The following LEF1 variants were observed in gnomAD, a reference collection of about 807,000 sequenced individuals.
LEF1 encodes lymphoid enhancer binding factor 1.
A neutral mutation model predicts 51.2 loss-of-function variants in LEF1; 14 were observed. That is an observed-to-expected ratio of 0.27 (90% CI 0.18 to 0.43). The LOEUF (loss-of-function observed/expected upper bound fraction) is 0.43. Ranked by LOEUF, LEF1 falls within the 20% of genes least tolerant of loss-of-function variation. LEF1 has a pLI of 1.00. For missense variants in LEF1, 386 were observed against 512.0 expected (o/e 0.75, Z 2.37); for synonymous variants, 185 against 183.2 (o/e 1.01, Z -0.08).
At chr4:108,139,216 T>C (rs540525481) in intron 3 of LEF1, among the ~76,000 whole-genome samples, 6 of 152,364 alleles carry the variant, frequency 3.9e-5, no homozygotes, top group African/African-American at 1.4e-4. Flanking sequence ...GGCTCTGCCA[T>C]TTTTCTGCTC....
At chr4:108,081,872 C>A (rs1246766719) in intron 5 of LEF1, among the ~76,000 whole-genome samples, 1 of 152,186 alleles carries the variant, frequency 6.6e-6, no homozygotes, top group East Asian at 1.9e-4. Context: ...TGAAAGAAAT[C>A]TCCCACCCTC....
chr4:108,156,823 G>A (rs79750687), intron 3 of LEF1, among the ~76,000 whole-genome samples: 1,844 of 151,426 alleles, frequency 0.012, 14 homozygotes, highest in Non-Finnish European at 0.02. Flanking sequence ...GACATAGAGT[G>A]TCAAACGATA....
intron 3 of LEF1, among the ~76,000 whole-genome samples, chr4:108,144,154 C>T (rs1196974987): frequency 6.6e-6 from 1 of 152,142 alleles, no homozygotes; most frequent in African/African-American, 2.4e-5. Flanking sequence ...TCGCTTCACA[C>T]AAATACAAAT....
intron 3 of LEF1, among the ~76,000 whole-genome samples, chr4:108,122,736 T>G (rs1309338490): frequency 6.6e-6 from 1 of 152,198 alleles, no homozygotes; most frequent in Non-Finnish European, 1.5e-5. Context: ...TCCTCCGACC[T>G]TGGCCTCCTA....
At chr4:108,066,064 G>A (rs1424255380) in intron 9 of LEF1, among the ~76,000 whole-genome samples, 1 of 152,124 alleles carries the variant, frequency 6.6e-6, no homozygotes, top group Non-Finnish European at 1.5e-5. Context: ...TACCATGCCT[G>A]GCTAAATTTT....
At chr4:108,050,087 G>A (rs1482372809) in intron 11 of LEF1, among the ~76,000 whole-genome samples, 2 of 152,188 alleles carry the variant, frequency 1.3e-5, no homozygotes, top group African/African-American at 4.8e-5. Context: ...GTATACCTGG[G>A]TAGCTACTGA....
intron 11 of LEF1, among the ~76,000 whole-genome samples, chr4:108,057,231 C>G (rs1737364617): frequency 6.6e-6 from 1 of 152,018 alleles, no homozygotes; most frequent in Admixed American, 6.6e-5. Context: ...GTTGTTGAAG[C>G]CTTAATTTTT....
rs976607904 is a variant in LEF1 at position 108,047,596 on chromosome 4, C to T, written c.*1162G>A. 6.6e-6 allele frequency: 1 copy of T among 152,416 alleles called. No individual in the cohort carries two copies. The highest frequency in any genetic ancestry group is 1.5e-5 in the Non-Finnish European group (1 of 68,042). 9.4% of individuals were successfully genotyped at this position (152,416 alleles called of 1,614,324 possible). ...TTACAAAGCTTCTTTTAAAAAAATGCTCAGCACATTAACTCAAACTGGAAT... is the reference window on the plus strand; with the variant it reads ...TTACAAAGCTTCTTTTAAAAAAATGTTCAGCACATTAACTCAAACTGGAAT... On this transcript the variant is annotated 3_prime_UTR_variant, in exon 12 of 12. Transcript: ENST00000265165.
intron 8 of LEF1, among the ~76,000 whole-genome samples, chr4:108,073,512 G>A (rs1411192138): frequency 6.6e-6 from 1 of 152,110 alleles, no homozygotes; most frequent in Non-Finnish European, 1.5e-5. Flanking sequence ...AAGACAGGAA[G>A]TCTTCCATTT....
chr4:108,126,503 A>C (rs1392617482), intron 3 of LEF1, among the ~76,000 whole-genome samples: 1 of 151,998 alleles, frequency 6.6e-6, no homozygotes, highest in Non-Finnish European at 1.5e-5. Flanking sequence ...TTTTTAATAA[A>C]AATTAGGTGG....
chr4:108,076,565 A>G (rs1390790355), intron 8 of LEF1, among the ~76,000 whole-genome samples: 1 of 152,036 alleles, frequency 6.6e-6, no homozygotes, highest in Non-Finnish European at 1.5e-5. Flanking sequence ...TTTGGTAGAG[A>G]TGGGGTGTCA....
chr4:108,126,449 C>G (rs1742531713), intron 3 of LEF1, among the ~76,000 whole-genome samples: 2 of 152,014 alleles, frequency 1.3e-5, no homozygotes, highest in Admixed American at 6.6e-5. Flanking sequence ...TAAATTATAA[C>G]TTAATAGTTT....
At chr4:108,142,082 TA>T (rs1368341870) in intron 3 of LEF1, among the ~76,000 whole-genome samples, 1 of 152,052 alleles carries the variant, frequency 6.6e-6, no homozygotes, top group Non-Finnish European at 1.5e-5. Flanking sequence ...AAGGGTAAAA[TA>T]AAAATGATGG....
chr4:108,104,371 C>T (rs1741015845), intron 3 of LEF1, among the ~76,000 whole-genome samples: 1 of 149,964 alleles, frequency 6.7e-6, no homozygotes, highest in Non-Finnish European at 1.5e-5. Context: ...TGATTGAAGG[C>T]TAATTTTACT....
chr4:108,104,499 A>AT (rs1240716912), intron 3 of LEF1, among the ~76,000 whole-genome samples: 7 of 146,972 alleles, frequency 4.8e-5, no homozygotes, highest in Non-Finnish European at 8.9e-5. Context: ...ATTATTATAT[A>AT]ATAATAATAT....
chr4:108,089,659 A>G (rs1275772830), intron 3 of LEF1, among the ~76,000 whole-genome samples: 1 of 152,232 alleles, frequency 6.6e-6, no homozygotes, highest in Admixed American at 6.5e-5. Flanking sequence ...TTCACTACAT[A>G]TGTCTGGCAC....
At chr4:108,140,076 C>T (rs531454447) in intron 3 of LEF1, among the ~76,000 whole-genome samples, 1 of 152,154 alleles carries the variant, frequency 6.6e-6, no homozygotes, top group African/African-American at 2.4e-5. Flanking sequence ...TACACACACA[C>T]ACACTCCCCT....
chr4:108,092,413 C>G (rs1196208123), intron 3 of LEF1, among the ~76,000 whole-genome samples: 1 of 152,130 alleles, frequency 6.6e-6, no homozygotes, highest in Non-Finnish European at 1.5e-5. Context: ...TGTATATAAA[C>G]AGAACAAAGT....
At chr4:108,097,846 G>A (rs924546952) in intron 3 of LEF1, among the ~76,000 whole-genome samples, 1 of 152,134 alleles carries the variant, frequency 6.6e-6, no homozygotes, top group African/African-American at 2.4e-5. Context: ...TCAGCTTGAT[G>A]AAAGTAGTAT....
Sources: allele counts gnomAD v4.1 joint callset (sites outside exome capture counted in the v4.1 genomes callset), GRCh38; gene constraint gnomAD v4.1.1; transcripts MANE v1.5; gene names NCBI Gene and HGNC (gene_info 2026-07-23, HGNC 2026-07-21).